Variants in LHCGR observed in about 807,000 individuals in gnomAD.
LHCGR encodes the protein luteinizing hormone/choriogonadotropin receptor, also known as lutropin-choriogonadotropic hormone receptor.
LHCGR carries 55 observed loss-of-function variants against 60.7 expected under a neutral mutation model. That is an observed-to-expected ratio of 0.91 (90% CI 0.73 to 1.13). LHCGR has a LOEUF of 1.13. Ranked by LOEUF, LHCGR falls within the 50% of genes most tolerant of loss-of-function variation. LHCGR has a pLI of 0.00. For synonymous variants in LHCGR, 337 were observed against 316.5 expected, an observed-to-expected ratio of 1.06 and a Z score of -0.69; for missense variants, 862 against 836.0, an observed-to-expected ratio of 1.03 and a Z score of -0.38.
At chr2:48,738,756 T>G (rs1669308457) in intron 1 of LHCGR, among the ~76,000 whole-genome samples, 1 of 152,310 alleles carries the variant, frequency 6.6e-6, no homozygotes. Context: ...GAAGACTTGG[T>G]AAGAAAAAAG....
At chr2:48,691,280 T>C (rs1341376796) in intron 10 of LHCGR, among the ~76,000 whole-genome samples, 2 of 152,174 alleles carry the variant, frequency 1.3e-5, no homozygotes, top group Non-Finnish European at 2.9e-5. Context: ...ATTGGAAGAA[T>C]ACAATACTGA....
chr2:48,739,266 G>A (rs966101559), intron 1 of LHCGR, among the ~76,000 whole-genome samples: 27 of 152,184 alleles, frequency 1.8e-4, no homozygotes, highest in Non-Finnish European at 2.8e-4. Flanking sequence ...ATTCCTCAGG[G>A]ATCTAGAACT....
chr2:48,720,441 G>A (rs17326537), intron 6 of LHCGR: 18,351 of 152,130 alleles, frequency 0.12, 1,327 homozygotes, highest in Middle Eastern at 0.23. Context: ...AGGGAGTCAT[G>A]GATATTTGTG....
intron 1 of LHCGR, among the ~76,000 whole-genome samples, chr2:48,739,254 C>T (rs535716928): frequency 4.6e-5 from 7 of 152,300 alleles, no homozygotes; most frequent in East Asian, 3.9e-4. Flanking sequence ...GTCAGTGTGG[C>T]GATTCCTCAG....
intron 6 of LHCGR, chr2:48,721,610 A>G: frequency 6.6e-6 from 3 of 455,486 alleles, no homozygotes; most frequent in Non-Finnish European, 1.3e-5. Flanking sequence ...AAGGCAGTGC[A>G]CCAAGGATAC....
chr2:48,695,458 G>A (rs1259755656), intron 9 of LHCGR, among the ~76,000 whole-genome samples: 2 of 152,140 alleles, frequency 1.3e-5, no homozygotes, highest in African/African-American at 2.4e-5. Context: ...GTTGGTGGGA[G>A]TGTAAATTAG....
intron 1 of LHCGR, among the ~76,000 whole-genome samples, chr2:48,737,696 T>C (rs1669261247): frequency 6.6e-6 from 1 of 152,170 alleles, no homozygotes; most frequent in Non-Finnish European, 1.5e-5. Flanking sequence ...AAATATGAAG[T>C]CAGTATAGAT....
chr2:48,724,385 C>A (rs1299173477), intron 4 of LHCGR, among the ~76,000 whole-genome samples: 1 of 152,150 alleles, frequency 6.6e-6, no homozygotes. Flanking sequence ...CTGGATTTCC[C>A]CACTGGAGTT....
chr2:48,713,776 A>C (rs1032827925), intron 7 of LHCGR, among the ~76,000 whole-genome samples: 2 of 152,318 alleles, frequency 1.3e-5, no homozygotes, highest in South Asian at 4.1e-4. Context: ...TGTCAACTTC[A>C]ATGTATCCAG....
intron 1 of LHCGR, among the ~76,000 whole-genome samples, chr2:48,753,817 T>C (rs540336645): frequency 2.0e-5 from 3 of 151,902 alleles, no homozygotes; most frequent in Admixed American, 2.0e-4. Context: ...TGTGTGTGTG[T>C]GTGTGTGTGT....
intron 8 of LHCGR, among the ~76,000 whole-genome samples, chr2:48,704,748 T>C (rs915163341): frequency 6.6e-6 from 1 of 152,342 alleles, no homozygotes; most frequent in Non-Finnish European, 1.5e-5. Context: ...CCCTTTATCA[T>C]TTTTTATTGC....
intron 1 of LHCGR, among the ~76,000 whole-genome samples, chr2:48,737,752 T>C (rs910506134): frequency 6.6e-6 from 1 of 152,216 alleles, no homozygotes; most frequent in Non-Finnish European, 1.5e-5. Context: ...TTTGGAACAG[T>C]CTTTAAAAAT....
chr2:48,724,848 GC>G (rs1347154932), intron 4 of LHCGR, among the ~76,000 whole-genome samples: 1 of 152,110 alleles, frequency 6.6e-6, no homozygotes, highest in Non-Finnish European at 1.5e-5. Context: ...CTTATAGAAG[GC>G]CCCAGAGCAA....
chr2:48,709,226 C>T (rs1269941500), intron 7 of LHCGR, among the ~76,000 whole-genome samples: 1 of 152,074 alleles, frequency 6.6e-6, no homozygotes, highest in Non-Finnish European at 1.5e-5. Context: ...TTGGCCACAC[C>T]TTTTTTCTTC....
At chr2:48,701,660 A>C (rs1482196610) in intron 8 of LHCGR, among the ~76,000 whole-genome samples, 1 of 151,926 alleles carries the variant, frequency 6.6e-6, no homozygotes, top group East Asian at 1.9e-4. Flanking sequence ...AACCAATAGC[A>C]TTTGGACAAC....
At chr2:48,749,515 AAC>A (rs1487498404) in intron 1 of LHCGR, among the ~76,000 whole-genome samples, 1 of 152,162 alleles carries the variant, frequency 6.6e-6, no homozygotes, top group Non-Finnish European at 1.5e-5. Flanking sequence ...CTGGCTTTAA[AAC>A]CTCAAGTATA....
intron 1 of LHCGR, 29 bp from the exon 2 acceptor site, chr2:48,731,327 T>TTATTA: frequency 1.3e-6 from 2 of 1,531,906 alleles, no homozygotes; most frequent in Non-Finnish European, 9.0e-7. Context: ...AATCCAAGAG[T>TTATTA]TTAAGATTTA....
At chr2:48,689,682 C>T (rs1035798979) in intron 10 of LHCGR, among the ~76,000 whole-genome samples, 14 of 152,088 alleles carry the variant, frequency 9.2e-5, no homozygotes, top group South Asian at 2.1e-4. Flanking sequence ...TTTCCAACCC[C>T]ACTGATACTT....
chr2:48,714,117 A>G, intron 6 of LHCGR, 63 bp from the exon 7 acceptor site: 3 of 1,179,122 alleles, frequency 2.5e-6, no homozygotes, highest in African/African-American at 3.0e-5. Context: ...TTGGAAACAC[A>G]TTTTTCCTCC....
Sources: gnomAD v4.1 joint callset for allele counts (sites outside exome capture counted in the v4.1 genomes callset) on GRCh38, gnomAD v4.1.1 for gene constraint, MANE v1.5 for transcripts, NCBI Gene and HGNC (gene_info 2026-07-23, HGNC 2026-07-21) for gene names.